ZNF608: variants seen among roughly 807,000 people sequenced by gnomAD.
ZNF608 encodes the protein zinc finger protein 608.
Under a neutral mutation model 109.0 loss-of-function variants are expected in ZNF608, and 12 were observed. The ratio of observed to expected loss-of-function variants is 0.11; its 90% CI spans 0.07 to 0.18. The LOEUF (loss-of-function observed/expected upper bound fraction) is 0.18. Ranked by LOEUF, ZNF608 falls within the 10% of genes least tolerant of loss-of-function variation. ZNF608 has a pLI of 1.00. For missense variants in ZNF608, 1,707 were observed against 1,879.3 expected, an observed-to-expected ratio of 0.91 and a Z score of 1.70; for synonymous variants, 732 against 717.4, an observed-to-expected ratio of 1.02 and a Z score of -0.33.
At chr5:124,746,108 T>C (rs1561601141) in intron 1 of ZNF608, 87 bp downstream of exon 1, 1 of 984,408 alleles carries the variant, frequency 1.0e-6, no homozygotes, top group Non-Finnish European at 1.2e-6. Flanking sequence ...TTTAAAGGGA[T>C]CAGCCCCTTT....
At chr5:124,716,068 G>T (rs183514320) in intron 2 of ZNF608, among the ~76,000 whole-genome samples, 4 of 151,002 alleles carry the variant, frequency 2.6e-5, no homozygotes, top group Admixed American at 6.6e-5. Flanking sequence ...GCCTGAACCC[G>T]GGAGGCGGAG....
chr5:124,715,549 A>C (rs1369016643), intron 2 of ZNF608, among the ~76,000 whole-genome samples: 1 of 152,222 alleles, frequency 6.6e-6, no homozygotes, highest in Non-Finnish European at 1.5e-5. Flanking sequence ...AATCAAGTTG[A>C]TTTGAATCAT....
At chr5:124,661,359 C>A (rs1751248322) in intron 3 of ZNF608, among the ~76,000 whole-genome samples, 1 of 152,032 alleles carries the variant, frequency 6.6e-6, no homozygotes, top group Non-Finnish European at 1.5e-5. Context: ...ATGGACAGAG[C>A]AGGTTAAACA....
intron 2 of ZNF608, among the ~76,000 whole-genome samples, chr5:124,702,049 T>C (rs1351731689): frequency 1.3e-5 from 2 of 152,336 alleles, no homozygotes; most frequent in East Asian, 3.9e-4. Flanking sequence ...CTACAAGATC[T>C]TGTGGTGCAA....
intron 2 of ZNF608, chr5:124,734,735 A>G (rs746058623): frequency 2.0e-5 from 3 of 152,212 alleles, no homozygotes; most frequent in Non-Finnish European, 4.4e-5. Context: ...CAGCTTTTGA[A>G]TATTGAATGA....
intron 3 of ZNF608, among the ~76,000 whole-genome samples, chr5:124,690,598 A>T (rs531838426): frequency 3.9e-5 from 6 of 152,294 alleles, no homozygotes; most frequent in Admixed American, 2.0e-4. Flanking sequence ...CTGTAATTGC[A>T]GCACTTTGGG....
chr5:124,705,424 T>C (rs1015668712), intron 2 of ZNF608, among the ~76,000 whole-genome samples: 1 of 152,036 alleles, frequency 6.6e-6, no homozygotes, highest in African/African-American at 2.4e-5. Flanking sequence ...ATAATAACAA[T>C]TACCCCCACA....
At chr5:124,655,468 G>A (rs1360183250) in intron 3 of ZNF608, among the ~76,000 whole-genome samples, 1 of 152,170 alleles carries the variant, frequency 6.6e-6, no homozygotes, top group Admixed American at 6.5e-5. Flanking sequence ...GGATGCATTT[G>A]ATGTGCATCC....
intron 3 of ZNF608, among the ~76,000 whole-genome samples, chr5:124,677,059 T>A (rs969133021): frequency 6.6e-6 from 1 of 152,236 alleles, no homozygotes; most frequent in Non-Finnish European, 1.5e-5. Context: ...GTTTCTTATA[T>A]CTTATGCATA....
chr5:124,666,755 G>A (rs1277846718), intron 3 of ZNF608, among the ~76,000 whole-genome samples: 1 of 122,864 alleles, frequency 8.1e-6, no homozygotes, highest in African/African-American at 3.2e-5. Flanking sequence ...GTGTGTGTGT[G>A]TGTTTCATCT....
chr5:124,643,802 A>C (rs940692900), intron 6 of ZNF608, 119 bp from the exon 7 acceptor site: 21 of 954,758 alleles, frequency 2.2e-5, no homozygotes, highest in East Asian at 1.6e-4. Context: ...GGTTACATTA[A>C]GAATGGGCTA....
rs377474940 is a variant in ZNF608 at position 124,704,583 on chromosome 5, C to T, written c.907-3314G>A. Among the ~76,000 whole-genome samples, 51 of 152,170 alleles carry T rather than the reference C, an allele frequency of 3.4e-4. No homozygotes were observed. The South Asian group carries it at 0.01, about 31-fold the overall frequency. ...AGGTATGTTACTTTTTAAAACATTC[C>T]AGTTTTTTTTAGCAACACTTTAATA... On this transcript the variant is annotated intron_variant, in intron 2 of 9. Transcript: ENST00000513986.
At chr5:124,730,956 G>C (rs1190646243) in intron 2 of ZNF608, among the ~76,000 whole-genome samples, 1 of 152,182 alleles carries the variant, frequency 6.6e-6, no homozygotes, top group Non-Finnish European at 1.5e-5. Flanking sequence ...TTCCAGGAAG[G>C]ATTAAAACTG....
chr5:124,692,688 C>T (rs1427741542), intron 3 of ZNF608, among the ~76,000 whole-genome samples: 2 of 152,264 alleles, frequency 1.3e-5, no homozygotes, highest in East Asian at 3.9e-4. Flanking sequence ...AGAGCAAGGG[C>T]TCTGAAAGTC....
chr5:124,661,864 TC>T (rs1751277733), intron 3 of ZNF608, among the ~76,000 whole-genome samples: 1 of 152,220 alleles, frequency 6.6e-6, no homozygotes, highest in African/African-American at 2.4e-5. Flanking sequence ...CTAATTCCTC[TC>T]CGATATTTGT....
rs116708873 is a variant in ZNF608, at chr5:124,713,090, G to A, written c.907-11821C>T. On this transcript the variant is annotated intron_variant, in intron 2 of 9. Transcript: ENST00000513986. ...CTGATTCGGGCCTTCCCAGCATGAC[G>A]TCCAAGGCACATGCCCCTTAATCAC... is the stretch of plus-strand genomic sequence containing the variant. Among the ~76,000 whole-genome samples, 324 of 152,246 alleles carry A rather than the reference G, an allele frequency of 2.1e-3. 5 individuals are homozygous for A. Among genetic ancestry groups the A allele is most frequent in the African/African-American group, 6.8e-3 (283 of 41,544 alleles).
intron 3 of ZNF608, among the ~76,000 whole-genome samples, chr5:124,690,363 A>G (rs1752564972): frequency 6.6e-6 from 1 of 152,314 alleles, no homozygotes; most frequent in Admixed American, 6.5e-5. Flanking sequence ...ACCCTAATAT[A>G]AACTAGGAGC....
chr5:124,745,832 CT>C lies in ZNF608; in HGVS notation c.-184+362del, dbSNP rs1749619459. Among the ~76,000 whole-genome samples, 3 of 152,118 alleles carry C rather than the reference CT, an allele frequency of 2.0e-5. No individual in the cohort carries two copies. The South Asian group carries it at 6.2e-4, about 32-fold the overall frequency. ...TTTTCCCAAACAGCTTCTACAATTT[CT>C]TTTTTGAAATATGCATGTCTTTTAA... On this transcript the variant is annotated intron_variant, in intron 1 of 9. Coordinates refer to ENST00000513986, the MANE Select transcript of ZNF608 (RefSeq NM_020747.3).
chr5:124,642,007 CT>C (rs1750266376), intron 7 of ZNF608, among the ~76,000 whole-genome samples: 1 of 152,166 alleles, frequency 6.6e-6, no homozygotes, highest in African/African-American at 2.4e-5. Flanking sequence ...CTATGACTTT[CT>C]ACCTTTACAG....
Sources: allele counts gnomAD v4.1 joint callset (sites outside exome capture counted in the v4.1 genomes callset), GRCh38; gene constraint gnomAD v4.1.1; transcripts MANE v1.5; gene names NCBI Gene and HGNC (gene_info 2026-07-23, HGNC 2026-07-21).